Variants in KCNN2 observed in about 807,000 individuals in gnomAD.
KCNN2 encodes small conductance calcium-activated potassium channel protein 2.
Under a neutral mutation model 55.5 loss-of-function variants are expected in KCNN2, and 24 were observed. That is an observed-to-expected ratio of 0.43 (90% CI 0.31 to 0.61). The LOEUF is 0.61. Among genes scored for constraint, KCNN2 ranks in the 20% least tolerant of loss-of-function variants. The pLI is 0.08. For missense variants in KCNN2, 754 were observed against 853.6 expected (o/e 0.88, Z 1.45); for synonymous variants, 431 against 336.1 (o/e 1.28, Z -3.09).
At chr5:114,469,309 A>T (rs1211667413) in intron 4 of KCNN2, among the ~76,000 whole-genome samples, 1 of 152,150 alleles carries the variant, frequency 6.6e-6, no homozygotes, top group African/African-American at 2.4e-5. Flanking sequence ...TGTTAGAAGG[A>T]AAGATGATAA....
chr5:114,312,836 A>G (rs931115108), intron 2 of KCNN2, among the ~76,000 whole-genome samples: 5 of 152,122 alleles, frequency 3.3e-5, no homozygotes, highest in Admixed American at 3.3e-4. Flanking sequence ...TTGCTATGTA[A>G]CATGGCTAAT....
chr5:114,455,727 C>T (rs866087422), intron 3 of KCNN2, among the ~76,000 whole-genome samples: 1 of 152,202 alleles, frequency 6.6e-6, no homozygotes, highest in Non-Finnish European at 1.5e-5. Context: ...AAGTGCTACT[C>T]CAGTGAACAC....
At chr5:114,409,124 C>G (rs1759039037) in intron 3 of KCNN2, among the ~76,000 whole-genome samples, 1 of 152,094 alleles carries the variant, frequency 6.6e-6, no homozygotes, top group Non-Finnish European at 1.5e-5. Flanking sequence ...CATCTCATGT[C>G]TTTTTGCCTT....
At chr5:114,278,892 C>A (rs1166510525) in intron 2 of KCNN2, among the ~76,000 whole-genome samples, 15 of 152,156 alleles carry the variant, frequency 9.9e-5, no homozygotes. Context: ...TCCAACCAGA[C>A]TCAATGAGAT....
intron 3 of KCNN2, among the ~76,000 whole-genome samples, chr5:114,409,188 G>A (rs1171087317): frequency 1.3e-5 from 2 of 151,894 alleles, no homozygotes; most frequent in African/African-American, 4.8e-5. Context: ...CCAACGTAAC[G>A]TTTTATCATT....
chr5:114,355,592 C>T (rs1232867741), intron 2 of KCNN2, among the ~76,000 whole-genome samples: 1 of 152,126 alleles, frequency 6.6e-6, no homozygotes, highest in Non-Finnish European at 1.5e-5. Context: ...GCCTGGCTTC[C>T]TTTCTCCGGT....
chr5:114,233,750 C>T (rs1754414080), intron 2 of KCNN2, among the ~76,000 whole-genome samples: 1 of 152,132 alleles, frequency 6.6e-6, no homozygotes, highest in Non-Finnish European at 1.5e-5. Flanking sequence ...TGAGACTTTG[C>T]AATTTGCTCC....
intron 3 of KCNN2, among the ~76,000 whole-genome samples, chr5:114,455,297 CT>C (rs1233845450): frequency 6.6e-6 from 1 of 152,154 alleles, no homozygotes; most frequent in Non-Finnish European, 1.5e-5. Flanking sequence ...GCTTCTCAAA[CT>C]TTTTCATTAT....
chr5:114,169,418 A>T (rs2112541196), intron 1 of KCNN2, among the ~76,000 whole-genome samples: 1 of 152,236 alleles, frequency 6.6e-6, no homozygotes, highest in East Asian at 1.9e-4. Flanking sequence ...AGAGAGTGGT[A>T]CAGGACATAT....
intron 1 of KCNN2, among the ~76,000 whole-genome samples, chr5:114,131,641 A>T (rs1171817574): frequency 6.6e-6 from 1 of 152,220 alleles, no homozygotes; most frequent in Non-Finnish European, 1.5e-5. Context: ...CTTTGGGTAT[A>T]TACCCAGTAA....
At chr5:114,066,452 G>C (rs1409553805) in intron 1 of KCNN2, among the ~76,000 whole-genome samples, 1 of 152,220 alleles carries the variant, frequency 6.6e-6, no homozygotes, top group Admixed American at 6.5e-5. Flanking sequence ...TTCCCTTGGG[G>C]AAATTAAAAA....
At chr5:114,442,413 A>C (rs1436982567) in intron 3 of KCNN2, among the ~76,000 whole-genome samples, 2 of 152,148 alleles carry the variant, frequency 1.3e-5, no homozygotes, top group Non-Finnish European at 2.9e-5. Context: ...GAGTTGATGC[A>C]GAAAGTTACC....
chr5:114,431,093 C>A (rs1332811325), intron 3 of KCNN2, among the ~76,000 whole-genome samples: 1 of 151,994 alleles, frequency 6.6e-6, no homozygotes, highest in Non-Finnish European at 1.5e-5. Flanking sequence ...GTAATCCTGG[C>A]TTTATACAAT....
chr5:114,114,337 TCTTG>T (rs1238389269), intron 1 of KCNN2, among the ~76,000 whole-genome samples: 1 of 152,134 alleles, frequency 6.6e-6, no homozygotes, highest in Non-Finnish European at 1.5e-5. Context: ...CAAGTGATCC[TCTTG>T]CTTAGCCTCC....
intron 2 of KCNN2, among the ~76,000 whole-genome samples, chr5:114,329,108 C>G (rs1756761723): frequency 6.6e-6 from 1 of 152,146 alleles, no homozygotes. Flanking sequence ...GCCTGAATTT[C>G]CCTGATAACT....
chr5:114,124,491 G>A (rs1424683363), intron 1 of KCNN2, among the ~76,000 whole-genome samples: 3 of 152,164 alleles, frequency 2.0e-5, no homozygotes, highest in African/African-American at 4.8e-5. Context: ...TTTCCTGTGG[G>A]TGGTGAAGTA....
intron 2 of KCNN2, among the ~76,000 whole-genome samples, chr5:114,344,429 A>G (rs1046326055): frequency 2.6e-5 from 4 of 152,292 alleles, no homozygotes; most frequent in South Asian, 4.2e-4. Flanking sequence ...TGGATGTGTT[A>G]CCCTTTAAAG....
chr5:114,300,366 A>G (rs1017612182), intron 2 of KCNN2, among the ~76,000 whole-genome samples: 1 of 152,166 alleles, frequency 6.6e-6, no homozygotes, highest in Non-Finnish European at 1.5e-5. Context: ...CAGCCTCCAG[A>G]CCTTGTTTTA....
intron 2 of KCNN2, among the ~76,000 whole-genome samples, chr5:114,305,973 T>C (rs1255877354): frequency 6.6e-6 from 1 of 152,224 alleles, no homozygotes. Context: ...ATTTTTGTTT[T>C]CTGATCATCA....
Sources: gnomAD v4.1 joint callset for allele counts (sites outside exome capture counted in the v4.1 genomes callset) on GRCh38, gnomAD v4.1.1 for gene constraint, MANE v1.5 for transcripts, NCBI Gene and HGNC (gene_info 2026-07-23, HGNC 2026-07-21) for gene names.